Variants in SCHIP1 observed in about 807,000 individuals in gnomAD.
SCHIP1 encodes the protein schwannomin interacting protein 1.
A neutral mutation model predicts 29.7 loss-of-function variants in SCHIP1; 8 were observed. The ratio of observed to expected loss-of-function variants is 0.27; its 90% CI spans 0.16 to 0.49. SCHIP1 has a LOEUF of 0.49. Ranked by LOEUF, SCHIP1 falls within the 20% of genes least tolerant of loss-of-function variation. The pLI, the probability that SCHIP1 is intolerant of heterozygous loss-of-function variation, is 0.99. For synonymous variants in SCHIP1, 76 were observed against 94.9 expected (o/e 0.80, Z 1.16); for missense variants, 193 against 294.6 (o/e 0.66, Z 2.52).
chr3:159,546,533 C>T, the SCHIP1 span, among the ~76,000 whole-genome samples: 2 of 152,058 alleles, frequency 1.3e-5, no homozygotes, highest in South Asian at 2.1e-4. Flanking sequence ...TTAAGCCCTG[C>T]ATGCATTAGG....
the SCHIP1 span, among the ~76,000 whole-genome samples, chr3:159,675,782 C>T: frequency 5.9e-5 from 9 of 152,198 alleles, no homozygotes; most frequent in African/African-American, 2.2e-4. Flanking sequence ...GTCTCCCCAT[C>T]TTTGTCCATG....
chr3:159,679,206 T>C, the SCHIP1 span, among the ~76,000 whole-genome samples: 9 of 152,192 alleles, frequency 5.9e-5, no homozygotes, highest in Middle Eastern at 3.4e-3. Context: ...CTTTAAAATT[T>C]AGAGAGGGCT....
At chr3:159,681,822 T>G in the SCHIP1 span, among the ~76,000 whole-genome samples, 36 of 151,980 alleles carry the variant, frequency 2.4e-4, no homozygotes, top group African/African-American at 8.7e-4. Flanking sequence ...CAACGTTAAC[T>G]TAGGTTAACT....
chr3:159,670,685 A>G, the SCHIP1 span, among the ~76,000 whole-genome samples: 1 of 151,124 alleles, frequency 6.6e-6, no homozygotes, highest in Non-Finnish European at 1.5e-5. Flanking sequence ...GTCATATTTG[A>G]TGGTATCTTA....
the SCHIP1 span, among the ~76,000 whole-genome samples, chr3:159,428,981 GTGGGAAT>G: frequency 6.7e-6 from 1 of 150,176 alleles, no homozygotes; most frequent in African/African-American, 2.4e-5. Context: ...TCACTCATAG[GTGGGAAT>G]TGAACAATGA....
At chr3:159,443,273 C>A in the SCHIP1 span, among the ~76,000 whole-genome samples, 1 of 152,156 alleles carries the variant, frequency 6.6e-6, no homozygotes, top group Non-Finnish European at 1.5e-5. Context: ...GTTCTATCTT[C>A]AGCTGAGATT....
the SCHIP1 span, among the ~76,000 whole-genome samples, chr3:159,387,949 T>C: frequency 6.6e-6 from 1 of 152,192 alleles, no homozygotes; most frequent in Non-Finnish European, 1.5e-5. Flanking sequence ...TTTTGCCATA[T>C]AAATTTATTT....
At chr3:159,764,249 T>TTG in the SCHIP1 span, 2 of 553,482 alleles carry the variant, frequency 3.6e-6, no homozygotes, top group African/African-American at 1.9e-5. The surrounding 1 kb of genome is among the most constrained non-coding windows in gnomAD (Gnocchi z 6.1). Flanking sequence ...GGAAGTCTGG[T>TTG]TGTGCGAGAG....
the SCHIP1 span, among the ~76,000 whole-genome samples, chr3:159,680,290 CA>C: frequency 6.6e-6 from 1 of 151,402 alleles, no homozygotes; most frequent in Non-Finnish European, 1.5e-5. Context: ...GTGGGCGGAT[CA>C]CGAGGTCAAG....
the SCHIP1 span, among the ~76,000 whole-genome samples, chr3:159,369,547 T>A: frequency 1.3e-5 from 2 of 152,170 alleles, no homozygotes; most frequent in Non-Finnish European, 2.9e-5. Flanking sequence ...TTGATATTAC[T>A]TATATGCAAA....
the SCHIP1 span, among the ~76,000 whole-genome samples, chr3:159,445,582 G>A: frequency 1.3e-5 from 2 of 152,206 alleles, no homozygotes; most frequent in South Asian, 2.1e-4. Flanking sequence ...GTACACGTAT[G>A]TTTATTGCAG....
the SCHIP1 span, among the ~76,000 whole-genome samples, chr3:159,629,751 T>C: frequency 6.6e-6 from 1 of 152,182 alleles, no homozygotes; most frequent in Non-Finnish European, 1.5e-5. Flanking sequence ...ATCCTGTATT[T>C]TTAAAAACAA....
chr3:159,620,862 A>T, the SCHIP1 span, among the ~76,000 whole-genome samples: 2 of 152,180 alleles, frequency 1.3e-5, no homozygotes, highest in Non-Finnish European at 2.9e-5. Flanking sequence ...GGCTTTTTTT[A>T]AAAATTGTTT....
At chr3:159,848,201 A>G (rs2109076187) in intron 1 of SCHIP1, among the ~76,000 whole-genome samples, 1 of 152,330 alleles carries the variant, frequency 6.6e-6, no homozygotes. Context: ...AGTCCTTGAA[A>G]TTCAGAGCAG....
At chr3:159,787,977 A>G in the SCHIP1 span, among the ~76,000 whole-genome samples, 1 of 152,164 alleles carries the variant, frequency 6.6e-6, no homozygotes, top group Non-Finnish European at 1.5e-5. Context: ...TAACCAAGGA[A>G]TGTTTACTTT....
chr3:159,428,726 G>T, the SCHIP1 span, among the ~76,000 whole-genome samples: 1 of 151,624 alleles, frequency 6.6e-6, no homozygotes, highest in Admixed American at 6.6e-5. Context: ...AAATCATGCT[G>T]CTATAAAGAC....
the SCHIP1 span, among the ~76,000 whole-genome samples, chr3:159,461,502 A>G: frequency 6.6e-6 from 1 of 152,320 alleles, no homozygotes; most frequent in South Asian, 2.1e-4. Context: ...TATAGATTAC[A>G]TATAAGTACT....
the SCHIP1 span, among the ~76,000 whole-genome samples, chr3:159,354,217 TAGTC>T: frequency 7.9e-5 from 12 of 152,224 alleles, no homozygotes; most frequent in African/African-American, 2.9e-4. Flanking sequence ...GAAATAAATT[TAGTC>T]AGCTTTTACT....
chr3:159,327,049 T>C, the SCHIP1 span, among the ~76,000 whole-genome samples: 2 of 152,176 alleles, frequency 1.3e-5, no homozygotes, highest in African/African-American at 2.4e-5. Context: ...TGATTTATAA[T>C]CATGAAGGTT....
Sources: gnomAD v4.1 joint callset for allele counts (sites outside exome capture counted in the v4.1 genomes callset) on GRCh38, gnomAD v4.1.1 for gene constraint, Gnocchi (gnomAD v3.1) non-coding constraint, MANE v1.5 for transcripts, NCBI Gene and HGNC (gene_info 2026-07-23, HGNC 2026-07-21) for gene names.